ZNRF3: variants seen among roughly 807,000 people sequenced by gnomAD.
ZNRF3 encodes E3 ubiquitin-protein ligase ZNRF3.
In ZNRF3, 23 loss-of-function variants were observed where a neutral mutation model predicts 72.5. The ratio of observed to expected loss-of-function variants is 0.32; its 90% CI spans 0.23 to 0.45. The LOEUF is 0.45. Ranked by LOEUF, ZNRF3 falls within the 20% of genes least tolerant of loss-of-function variation. The probability of loss-of-function intolerance (pLI) is 1.00; values close to 1 mark genes in which losing one functional copy is unlikely to be tolerated. For missense variants in ZNRF3, 1,169 were observed against 1,272.1 expected (o/e 0.92, Z 1.23); for synonymous variants, 610 against 545.3 (o/e 1.12, Z -1.65).
chr22:29,023,505 C>T (rs776258259), intron 2 of ZNRF3, among the ~76,000 whole-genome samples: 5 of 152,180 alleles, frequency 3.3e-5, no homozygotes, highest in African/African-American at 4.8e-5. Context: ...TCAAGTGGCT[C>T]CCAGGAGTGG....
intron 1 of ZNRF3, among the ~76,000 whole-genome samples, chr22:28,957,021 C>T (rs941728903): frequency 6.6e-6 from 1 of 152,212 alleles, no homozygotes; most frequent in Non-Finnish European, 1.5e-5. Flanking sequence ...GAGAAGATAA[C>T]GTGCCTATTG....
chr22:28,999,312 C>T (rs1008690673), intron 2 of ZNRF3, among the ~76,000 whole-genome samples: 10 of 151,252 alleles, frequency 6.6e-5, no homozygotes, highest in South Asian at 2.1e-4. Flanking sequence ...TCAGCCTGGG[C>T]GACAGAACAA....
chr22:28,966,949 G>T (rs563266976), intron 1 of ZNRF3, among the ~76,000 whole-genome samples: 1 of 140,332 alleles, frequency 7.1e-6, no homozygotes, highest in African/African-American at 2.8e-5. Flanking sequence ...GCATAATCTC[G>T]GCTCACTGCA....
chr22:28,997,988 T>TAAAA (rs557887667), intron 2 of ZNRF3, among the ~76,000 whole-genome samples: 1 of 115,336 alleles, frequency 8.7e-6, no homozygotes. Context: ...CCTGGCTCTT[T>TAAAA]AAAAAAAAAA....
At chr22:28,964,256 T>C (rs2035419016) in intron 1 of ZNRF3, among the ~76,000 whole-genome samples, 1 of 152,218 alleles carries the variant, frequency 6.6e-6, no homozygotes, top group East Asian at 1.9e-4. Flanking sequence ...TATGAATGTG[T>C]ATTATGTGTA....
At chr22:29,003,836 A>AG (rs1011558161) in intron 2 of ZNRF3, among the ~76,000 whole-genome samples, 4 of 152,154 alleles carry the variant, frequency 2.6e-5, no homozygotes, top group African/African-American at 9.7e-5. Flanking sequence ...GTCTCAAAAA[A>AG]AAAGAAGTGA....
chr22:28,951,401 C>T (rs2035158588), intron 1 of ZNRF3, among the ~76,000 whole-genome samples: 1 of 152,104 alleles, frequency 6.6e-6, no homozygotes, highest in Non-Finnish European at 1.5e-5. Context: ...CATATGCACA[C>T]ACACCAGGAA....
rs532949483 is a variant in ZNRF3, at chr22:29,043,514, A to G, written c.633+84A>G. The G allele has an allele frequency of 3.9e-6, 6 of 1,520,422 alleles. No homozygotes were observed. The Admixed American group carries it at 5.5e-5, about 14-fold the overall frequency. The allele number at this position is 1,520,422 out of a possible 1,614,324, so 94.2% of individuals were successfully genotyped here. Reference sequence around the variant, plus strand: ...TTATTTCCCTTGGGCTTTCATTCCTATCTCTGTCTGAAATGCTGGCATACC... The same window carrying G: ...TTATTTCCCTTGGGCTTTCATTCCTGTCTCTGTCTGAAATGCTGGCATACC... On this transcript the variant is annotated intron_variant, in intron 4 of 8. Transcript: ENST00000544604.
At chr22:29,026,845 C>T (rs1486117974) in intron 2 of ZNRF3, 1 of 152,226 alleles carries the variant, frequency 6.6e-6, no homozygotes, top group Non-Finnish European at 1.5e-5. Context: ...ACCCAGACTT[C>T]TGCTTTGGGG....
At chr22:28,993,900 G>A (rs2035999818) in intron 2 of ZNRF3, among the ~76,000 whole-genome samples, 1 of 152,150 alleles carries the variant, frequency 6.6e-6, no homozygotes, top group Admixed American at 6.6e-5. Flanking sequence ...CCAGGCAACA[G>A]GCTCCTAGAC....
chr22:28,900,036 G>A (rs1413036888), intron 1 of ZNRF3, among the ~76,000 whole-genome samples: 5 of 152,056 alleles, frequency 3.3e-5, no homozygotes, highest in Non-Finnish European at 7.4e-5. Context: ...TTGTTGGAGG[G>A]TAAACAGGGG....
chr22:28,950,019 T>C (rs1758772560), intron 1 of ZNRF3, among the ~76,000 whole-genome samples: 3 of 152,324 alleles, frequency 2.0e-5, no homozygotes, highest in Admixed American at 2.0e-4. Context: ...TTTTTATTGC[T>C]TCATCTGCAT....
chr22:28,975,637 T>C (rs2035657958), intron 1 of ZNRF3, among the ~76,000 whole-genome samples: 1 of 151,846 alleles, frequency 6.6e-6, no homozygotes, highest in Non-Finnish European at 1.5e-5. Context: ...CTTGGGAGGC[T>C]GAGGCAGGAG....
At chr22:29,052,284 C>G (rs1168263622) in intron 8 of ZNRF3, among the ~76,000 whole-genome samples, 1 of 152,250 alleles carries the variant, frequency 6.6e-6, no homozygotes, top group Non-Finnish European at 1.5e-5. Context: ...TCTGACTGAT[C>G]TGCTGTCACT....
At chr22:28,960,820 AT>A (rs2035345343) in intron 1 of ZNRF3, among the ~76,000 whole-genome samples, 1 of 152,022 alleles carries the variant, frequency 6.6e-6, no homozygotes, top group Admixed American at 6.6e-5. Flanking sequence ...AGCAATTCCA[AT>A]TCCACTAGTA....
chr22:28,909,642 G>A (rs185425743), intron 1 of ZNRF3, among the ~76,000 whole-genome samples: 6 of 151,908 alleles, frequency 3.9e-5, no homozygotes, highest in Non-Finnish European at 8.8e-5. Context: ...GTGCGGGGGC[G>A]TGATCTCAGC....
intron 2 of ZNRF3, among the ~76,000 whole-genome samples, chr22:29,013,877 G>A (rs2036385970): frequency 6.6e-6 from 1 of 152,204 alleles, no homozygotes; most frequent in African/African-American, 2.4e-5. Flanking sequence ...ATGAGGCACT[G>A]GATGGGGCAG....
intron 2 of ZNRF3, among the ~76,000 whole-genome samples, chr22:28,989,918 G>A (rs965476651): frequency 1.3e-5 from 2 of 152,204 alleles, no homozygotes; most frequent in East Asian, 3.8e-4. Flanking sequence ...AAAAGCAAAA[G>A]GCATAAACTT....
intron 1 of ZNRF3, among the ~76,000 whole-genome samples, chr22:28,970,641 T>G (rs983753345): frequency 2.6e-5 from 4 of 152,134 alleles, no homozygotes; most frequent in African/African-American, 9.6e-5. Context: ...TGAAAAGTGG[T>G]TCACCCATAC....
Sources: gnomAD v4.1 joint callset for allele counts (sites outside exome capture counted in the v4.1 genomes callset) on GRCh38, gnomAD v4.1.1 for gene constraint, MANE v1.5 for transcripts, NCBI Gene and HGNC (gene_info 2026-07-23, HGNC 2026-07-21) for gene names.